Variants in PNPT1 observed in about 807,000 individuals in gnomAD.
PNPT1 encodes the protein polyribonucleotide nucleotidyltransferase 1, mitochondrial.
In PNPT1, 53 loss-of-function variants were observed where a neutral mutation model predicts 119.5. The observed-to-expected ratio is 0.44, with a 90% CI of 0.36 to 0.56. The LOEUF (loss-of-function observed/expected upper bound fraction) is 0.56, where lower values mean the gene tolerates loss of function less well. PNPT1 is among the 20% of genes least tolerant of loss of function. PNPT1 has a pLI of 0.00. For missense variants in PNPT1, 948 were observed against 938.5 expected (o/e 1.01, Z -0.13); for synonymous variants, 357 against 322.1 (o/e 1.11, Z -1.16).
Position 55,686,403 on chromosome 2 carries a change from T to G in PNPT1, c.264A>C (p.Thr88=), listed in dbSNP as rs1007785616. Residue 88 remains threonine, a synonymous_variant, in exon 3 of 28, where the codon ACA becomes ACC. Transcript: ENST00000447944. Reference sequence around the variant, plus strand: ...GCATAAACTGGGAAGGGGAAGGTTTTGTTTTACTGACCGCTGTGACCATTA... The same window carrying G: ...GCATAAACTGGGAAGGGGAAGGTTTGGTTTTACTGACCGCTGTGACCATTA... The part of the protein sequence containing the change: ...TAVMVTAVSK[T]KPSPSQFMPL... The G allele has an allele frequency of 2.5e-6, 4 of 1,613,966 alleles. No homozygotes were observed. The highest frequency in any genetic ancestry group is 1.7e-4 in the Middle Eastern group (1 of 6,058).
At chr2:55,690,328 G>A (rs1697550339) in intron 1 of PNPT1, among the ~76,000 whole-genome samples, 1 of 109,482 alleles carries the variant, frequency 9.1e-6, no homozygotes, top group Non-Finnish European at 1.9e-5. Flanking sequence ...ATGAAACCAA[G>A]TCAGTGACCC....
At position 55,647,433 on chromosome 2, in the gene PNPT1, C is replaced by T. The variant is rs774172721; in HGVS notation, c.1516G>A (p.Val506Ile). The T allele has an allele frequency of 6.8e-6, 11 of 1,608,082 alleles. No homozygotes were observed. In the South Asian group the frequency reaches 1.2e-4, roughly 18 times the overall value. ...ACCAATCCTATTGCTACGCCTGCAACAGCAGATGAAATTGGAACCCCTATA... is the reference window on the plus strand; with the variant it reads ...ACCAATCCTATTGCTACGCCTGCAATAGCAGATGAAATTGGAACCCCTATA... ...MDSGVPISSA[V>I]AGVAIGLVTK... Residue 506 changes from valine to isoleucine, a missense_variant, in exon 19 of 28, where the codon GTT becomes ATT. Coordinates refer to ENST00000447944, the MANE Select transcript of PNPT1 (RefSeq NM_033109.5).
At chr2:55,648,470 T>C (rs367803777) in intron 18 of PNPT1, among the ~76,000 whole-genome samples, 39 of 152,374 alleles carry the variant, frequency 2.6e-4, no homozygotes, top group African/African-American at 8.4e-4. Flanking sequence ...TAAGAAGGTA[T>C]ATGCTACTCT....
chr2:55,640,251 T>G (rs1695794983), intron 26 of PNPT1, among the ~76,000 whole-genome samples: 1 of 152,126 alleles, frequency 6.6e-6, no homozygotes, highest in African/African-American at 2.4e-5. Context: ...CCTCCCGGGT[T>G]CAAGCGATTC....
chr2:55,688,783 T>G (rs998514015), intron 1 of PNPT1, among the ~76,000 whole-genome samples: 2 of 152,012 alleles, frequency 1.3e-5, no homozygotes, highest in African/African-American at 4.8e-5. Context: ...CTTTAGAATT[T>G]CTCCCAATGC....
chr2:55,681,050 A>G, intron 5 of PNPT1, 132 bp from the exon 6 acceptor site: 1 of 696,884 alleles, frequency 1.4e-6, no homozygotes, highest in Non-Finnish European at 2.5e-6. Flanking sequence ...GCTGTCATTA[A>G]ACGAAATGCT....
At chr2:55,682,984 T>G (rs1697295342) in intron 5 of PNPT1, among the ~76,000 whole-genome samples, 1 of 152,212 alleles carries the variant, frequency 6.6e-6, no homozygotes, top group African/African-American at 2.4e-5. Context: ...GCAAGGTGTA[T>G]TTATTTATTT....
chr2:55,637,930 G>T (rs555400267), intron 26 of PNPT1, among the ~76,000 whole-genome samples: 2 of 151,120 alleles, frequency 1.3e-5, no homozygotes, highest in East Asian at 3.9e-4. Flanking sequence ...AACCCAGGAG[G>T]TGGAGCTTGC....
chr2:55,637,856 CG>C (rs1254684306), intron 26 of PNPT1, among the ~76,000 whole-genome samples: 2 of 151,766 alleles, frequency 1.3e-5, no homozygotes, highest in African/African-American at 2.4e-5. Context: ...AAAAATTAGC[CG>C]GGCATGGTGG....
chr2:55,637,098 T>C (rs950451982), intron 27 of PNPT1, among the ~76,000 whole-genome samples: 10 of 152,156 alleles, frequency 6.6e-5, no homozygotes, highest in African/African-American at 2.4e-4. Flanking sequence ...CATCCACTCA[T>C]AAAGGACTAC....
chr2:55,657,140 C>T (rs1303845900), intron 15 of PNPT1, among the ~76,000 whole-genome samples: 1 of 151,948 alleles, frequency 6.6e-6, no homozygotes, highest in Non-Finnish European at 1.5e-5. Context: ...ACTAGCCTGG[C>T]CAACATGGTG....
chr2:55,641,960 G>C (rs1235556342), intron 25 of PNPT1, among the ~76,000 whole-genome samples: 2 of 151,780 alleles, frequency 1.3e-5, no homozygotes, highest in East Asian at 1.9e-4. Flanking sequence ...TCCTGCCTCA[G>C]CCTCCTGAGT....
Position 55,683,656 on chromosome 2 carries a change from A to C in PNPT1, c.453+129T>G. 7.5e-6 allele frequency: 6 copies of C among 801,810 alleles called. No homozygotes were observed. In the African/African-American group the frequency reaches 1.1e-4, roughly 15 times the overall value. The allele number at this position is 801,810 out of a possible 1,614,324, so 49.7% of individuals were successfully genotyped here. ...AGTACTATCTTTTTTCAAAAACGTA[A>C]TGTAAAATATAACAGTATCATAAAA... On this transcript the variant is annotated intron_variant, in intron 5 of 27. Coordinates refer to ENST00000447944, the MANE Select transcript of PNPT1 (RefSeq NM_033109.5).
At chr2:55,651,255 C>G (rs540291497) in intron 18 of PNPT1, among the ~76,000 whole-genome samples, 26 of 150,644 alleles carry the variant, frequency 1.7e-4, no homozygotes, top group Admixed American at 6.6e-4. Flanking sequence ...TGCCCGGCCA[C>G]CACCCCGTCT....
chr2:55,642,477 C>T (rs940430272), intron 25 of PNPT1, among the ~76,000 whole-genome samples: 1 of 151,600 alleles, frequency 6.6e-6, no homozygotes. Context: ...GGCGTGGTGG[C>T]GGGCACCTGC....
intron 1 of PNPT1, among the ~76,000 whole-genome samples, chr2:55,689,424 T>C (rs1697520674): frequency 6.6e-6 from 1 of 152,266 alleles, no homozygotes; most frequent in Admixed American, 6.5e-5. Context: ...CTTGTAGCAT[T>C]ATTCATAATA....
chr2:55,663,105 C>T (rs563868905), intron 13 of PNPT1, among the ~76,000 whole-genome samples: 113 of 152,214 alleles, frequency 7.4e-4, no homozygotes, highest in Non-Finnish European at 1.3e-3. Context: ...AGTATGGTCT[C>T]GATCTCCTGA....
At chr2:55,693,149 C>T (rs1380022321) in intron 1 of PNPT1, among the ~76,000 whole-genome samples, 3 of 152,276 alleles carry the variant, frequency 2.0e-5, no homozygotes, top group African/African-American at 7.2e-5. Context: ...ACCTGGTGTT[C>T]AACTTCTACA....
chr2:55,651,056 C>T (rs1297638817), intron 18 of PNPT1, among the ~76,000 whole-genome samples: 4 of 148,202 alleles, frequency 2.7e-5, no homozygotes, highest in African/African-American at 7.4e-5. Context: ...CCGGCCGCCC[C>T]GTCCAGGAGG....
Sources: allele counts gnomAD v4.1 joint callset (sites outside exome capture counted in the v4.1 genomes callset), GRCh38; gene constraint gnomAD v4.1.1; transcripts MANE v1.5; gene names NCBI Gene and HGNC (gene_info 2026-07-23, HGNC 2026-07-21).